Variants in EVC2 observed in about 807,000 individuals in gnomAD.
The protein encoded by EVC2 is limbin.
EVC2 carries 148 observed loss-of-function variants against 149.3 expected under a neutral mutation model. That is an observed-to-expected ratio of 0.99 (90% CI 0.87 to 1.14). EVC2 has a LOEUF of 1.14. EVC2 is among the 50% of genes most tolerant of loss of function. The pLI is 0.00. For synonymous variants in EVC2, 776 were observed against 649.9 expected, an observed-to-expected ratio of 1.19 and a Z score of -2.95; for missense variants, 1,854 against 1,627.3, an observed-to-expected ratio of 1.14 and a Z score of -2.40.
intron 17 of EVC2, among the ~76,000 whole-genome samples, chr4:5,578,127 C>G (rs757985848): frequency 1.7e-4 from 26 of 152,206 alleles, no homozygotes; most frequent in Non-Finnish European, 3.4e-4. Context: ...CCTGGAACAA[C>G]TTGAATCCAA....
chr4:5,562,898 T>C lies in EVC2; in HGVS notation c.3877A>G (p.Lys1293Glu), dbSNP rs1394912275. 2 of 1,614,082 alleles carry C rather than the reference T, an allele frequency of 1.2e-6. No homozygotes were observed. The highest frequency in any genetic ancestry group is 1.7e-6 in the Non-Finnish European group (2 of 1,180,048). ...ISLHVPPRKK[K>E]NFLNAKKAMR... ...GCCTTTTTGGCATTCAAAAAGTTCT[T>C]CTTTTTCCTGGGAGGAACGTGCAGT... The change falls in exon 22 of 22, where the codon AAG becomes GAG. Residue 1293 changes from lysine (K) to glutamate (E), a missense_variant. Lys to Glu is a moderately conservative substitution (Grantham distance 56). Coordinates refer to ENST00000344408, the MANE Select transcript of EVC2 (RefSeq NM_147127.5). This position sits in a 1 kb window ranked among gnomAD's most constrained non-coding sequence, Gnocchi z 4.3.
intron 9 of EVC2, among the ~76,000 whole-genome samples, chr4:5,661,504 A>T (rs1017452348): frequency 6.6e-6 from 1 of 152,230 alleles, no homozygotes; most frequent in Non-Finnish European, 1.5e-5. Context: ...TCTAGATAAC[A>T]GACACAGAAC....
At chr4:5,700,384 G>C (rs760078240) in intron 1 of EVC2, among the ~76,000 whole-genome samples, 9 of 152,198 alleles carry the variant, frequency 5.9e-5, no homozygotes, top group Non-Finnish European at 1.2e-4. Flanking sequence ...ATGTACGTTT[G>C]TACAACCTCT....
intron 7 of EVC2, among the ~76,000 whole-genome samples, chr4:5,676,926 G>A (rs1276119905): frequency 2.6e-5 from 4 of 152,078 alleles, no homozygotes; most frequent in South Asian, 2.1e-4. Context: ...GCTGCCGCAC[G>A]CTCCATTACT....
chr4:5,627,825 C>T (rs917034138), intron 12 of EVC2, among the ~76,000 whole-genome samples: 13 of 152,126 alleles, frequency 8.5e-5, no homozygotes, highest in African/African-American at 2.2e-4. Flanking sequence ...ATGCGAGAGC[C>T]GGCAGTGTGC....
chr4:5,675,139 C>A (rs1159335081), intron 7 of EVC2, among the ~76,000 whole-genome samples: 2 of 152,156 alleles, frequency 1.3e-5, no homozygotes, highest in Non-Finnish European at 2.9e-5. Context: ...TTAAGATGCT[C>A]TTTACATATT....
At position 5,622,164 on chromosome 4, in the gene EVC2, A is replaced by G. The variant is rs1226654683; in HGVS notation, c.2501+373T>C. On this transcript the variant is annotated intron_variant, in intron 14 of 21. Coordinates refer to ENST00000344408, the MANE Select transcript of EVC2 (RefSeq NM_147127.5). The surrounding 1 kb of genome is among the most constrained non-coding windows in gnomAD (Gnocchi z 5.8). ...CTCCTGTGGATCATGTCCCCTCCCCAGGGGACATTTCTTATTAGGGGAACC... is the reference window on the plus strand; with the variant it reads ...CTCCTGTGGATCATGTCCCCTCCCCGGGGGACATTTCTTATTAGGGGAACC... Among the ~76,000 whole-genome samples the G allele has an allele frequency of 6.6e-6, 1 of 151,902 alleles. No homozygotes were observed. Among genetic ancestry groups the G allele is most frequent in the Non-Finnish European group, 1.5e-5 (1 of 67,958 alleles).
chr4:5,563,780 G>A (rs1722096797), intron 21 of EVC2, among the ~76,000 whole-genome samples: 1 of 152,036 alleles, frequency 6.6e-6, no homozygotes, highest in Non-Finnish European at 1.5e-5. Flanking sequence ...CAAGCCAATT[G>A]TTAAACATTT....
At chr4:5,645,809 C>T (rs916622102) in intron 9 of EVC2, among the ~76,000 whole-genome samples, 3 of 152,156 alleles carry the variant, frequency 2.0e-5, no homozygotes, top group African/African-American at 7.2e-5. Context: ...AATAGTAGTT[C>T]TGTTTTTAGG....
chr4:5,665,437 G>C (rs1308947496), intron 8 of EVC2, 78 bp downstream of exon 8: 14 of 1,604,262 alleles, frequency 8.7e-6, no homozygotes, highest in Non-Finnish European at 1.1e-5. Flanking sequence ...GGGATCCAGG[G>C]CTGAGACCCA....
intron 9 of EVC2, among the ~76,000 whole-genome samples, 177 bp downstream of exon 9, chr4:5,662,930 T>C (rs1718996404): frequency 6.6e-6 from 1 of 152,044 alleles, no homozygotes; most frequent in Non-Finnish European, 1.5e-5. Context: ...AAGTATGTCA[T>C]CTACACCTCT....
chr4:5,597,520 C>T (rs1224966317), intron 16 of EVC2, among the ~76,000 whole-genome samples: 2 of 150,830 alleles, frequency 1.3e-5, no homozygotes, highest in South Asian at 2.1e-4. Context: ...TTCAACAACC[C>T]TTCATGCTAA....
chr4:5,542,332 G>C (rs144935926), downstream of EVC2, among the ~76,000 whole-genome samples: 39 of 152,344 alleles, frequency 2.6e-4, no homozygotes, highest in East Asian at 3.7e-3. Context: ...GCGCATGTCT[G>C]TGGTCCCAGC....
At chr4:5,649,238 G>C (rs1717944542) in intron 9 of EVC2, among the ~76,000 whole-genome samples, 1 of 152,102 alleles carries the variant, frequency 6.6e-6, no homozygotes, top group Non-Finnish European at 1.5e-5. Flanking sequence ...ATGTCATCTT[G>C]TCACTGTGCT....
chr4:5,640,928 T>G lies in EVC2; in HGVS notation c.1146-90A>C. 6.9e-7 allele frequency: 1 copy of G among 1,452,906 alleles called. No homozygotes were observed. The allele number at this position is 1,452,906 out of a possible 1,614,324, so 90.0% of individuals were successfully genotyped here. ...CAAAGCTCTGAGGTTTTCATTTATG[T>G]GTAGGCAAGGGCTTTCTTCGTCTTC... On this transcript the variant is annotated intron_variant, in intron 9 of 21. Coordinates refer to ENST00000344408, the MANE Select transcript of EVC2 (RefSeq NM_147127.5). The surrounding 1 kb of genome is among the most constrained non-coding windows in gnomAD (Gnocchi z 4.6).
At position 5,640,981 on chromosome 4, in the gene EVC2, G is replaced by T; in HGVS notation, c.1146-143C>A. On this transcript the variant is annotated intron_variant, in intron 9 of 21. Coordinates refer to ENST00000344408, the MANE Select transcript of EVC2 (RefSeq NM_147127.5). The surrounding 1 kb of genome is among the most constrained non-coding windows in gnomAD (Gnocchi z 4.6). ...TTTCTTCCTTTCCCCGCTCACTTCT[G>T]CTTCATCCAGTTATTGAAGGCCATT... is the stretch of plus-strand genomic sequence containing the variant. 1 of 932,390 alleles carries T rather than the reference G, an allele frequency of 1.1e-6. No individual in the cohort carries two copies. The highest frequency in any genetic ancestry group is 1.7e-6 in the Non-Finnish European group (1 of 602,142). 57.8% of individuals were successfully genotyped at this position (932,390 alleles called of 1,614,324 possible).
At chr4:5,628,865 C>G in intron 11 of EVC2, 131 bp from the exon 12 acceptor site, 1 of 917,374 alleles carries the variant, frequency 1.1e-6, no homozygotes, top group Non-Finnish European at 1.6e-6. Flanking sequence ...GAATTAACAC[C>G]TTTAACCTCC....
chr4:5,706,057 C>T (rs1469348027), intron 1 of EVC2, among the ~76,000 whole-genome samples: 3 of 152,096 alleles, frequency 2.0e-5, no homozygotes, highest in African/African-American at 4.8e-5. Flanking sequence ...GCTCCTCCTA[C>T]ATGCGGGCCA....
At chr4:5,602,291 TAAAAAAA>T (rs571933194) in intron 16 of EVC2, among the ~76,000 whole-genome samples, 1,344 of 81,696 alleles carry the variant, frequency 0.016, 25 homozygotes, top group African/African-American at 0.061. Context: ...CATTGCCTCT[TAAAAAAA>T]AAAAAAAAAA....
Sources: gnomAD v4.1 joint callset for allele counts (sites outside exome capture counted in the v4.1 genomes callset) on GRCh38, gnomAD v4.1.1 for gene constraint, Gnocchi (gnomAD v3.1) non-coding constraint, MANE v1.5 for transcripts, NCBI Gene and HGNC (gene_info 2026-07-23, HGNC 2026-07-21) for gene names.